RAB4B: variants seen among roughly 807,000 people sequenced by gnomAD.
RAB4B encodes the protein ras-related protein Rab-4B.
A neutral mutation model predicts 28.3 loss-of-function variants in RAB4B; 15 were observed. The ratio of observed to expected loss-of-function variants is 0.53; its 90% CI spans 0.35 to 0.82. The LOEUF (loss-of-function observed/expected upper bound fraction) is 0.82, where lower values mean the gene tolerates loss of function less well. Ranked by LOEUF, RAB4B falls within the 40% of genes least tolerant of loss-of-function variation. The probability of loss-of-function intolerance (pLI) is 0.01; values close to 1 mark genes in which losing one functional copy is unlikely to be tolerated. For synonymous variants in RAB4B, 108 were observed against 116.3 expected, an observed-to-expected ratio of 0.93 and a Z score of 0.46; for missense variants, 244 against 288.5, an observed-to-expected ratio of 0.85 and a Z score of 1.12.
At chr19:40,782,551 G>A (rs186214673) in intron 3 of RAB4B, among the ~76,000 whole-genome samples, 97 of 152,292 alleles carry the variant, frequency 6.4e-4, no homozygotes, top group Non-Finnish European at 9.9e-4. Flanking sequence ...GGTGGCTCAC[G>A]CCTGTAATCC....
chr19:40,790,347 C>T (rs1476610080), intron 7 of RAB4B, among the ~76,000 whole-genome samples: 1 of 151,226 alleles, frequency 6.6e-6, no homozygotes, highest in Admixed American at 6.6e-5. Flanking sequence ...CCAGTCTTGG[C>T]CTCTCTCTTT....
In RAB4B at chr19:40,786,975, C is replaced by T. The variant is rs772963267; in HGVS notation, c.*12C>T. On this transcript the variant is annotated 3_prime_UTR_variant, in exon 7 of 8. Transcript: ENST00000357052. Reference sequence around the variant, plus strand: ...CGTGTGGCTGCTGAGCTCTGTGGAGCCAGGTGGGACACTGGGGGCTTTAGG... The same window carrying T: ...CGTGTGGCTGCTGAGCTCTGTGGAGTCAGGTGGGACACTGGGGGCTTTAGG... 19 of 1,612,294 alleles carry T rather than the reference C, an allele frequency of 1.2e-5. No homozygotes were observed. The South Asian group carries it at 1.9e-4, about 16-fold the overall frequency.
chr19:40,781,835 C>T lies in RAB4B; in HGVS notation c.212+1336C>T, dbSNP rs185304957. On this transcript the variant is annotated intron_variant, in intron 3 of 7. Transcript: ENST00000357052. ...AGGAGATCGAGACCATCCTGGCTAA[C>T]ATGGTGAAACCCCGTCTCTACTAAA... Among the ~76,000 whole-genome samples the T allele has an allele frequency of 5.5e-3, 831 of 152,076 alleles. 7 individuals are homozygous for T. The highest frequency in any genetic ancestry group is 0.02 in the African/African-American group (811 of 41,492).
At chr19:40,786,565 G>C in intron 5 of RAB4B, 100 bp from the exon 6 acceptor site, 1 of 1,545,652 alleles carries the variant, frequency 6.5e-7, no homozygotes, top group East Asian at 2.4e-5. Flanking sequence ...GGTAAGGGGG[G>C]ATGGAACATT....
chr19:40,787,467 G>A (rs1004214514), intron 7 of RAB4B, among the ~76,000 whole-genome samples: 2 of 151,784 alleles, frequency 1.3e-5, no homozygotes, highest in African/African-American at 4.8e-5. Context: ...CCTGGGAGGT[G>A]GAGGTTGCAG....
chr19:40,789,544 G>A (rs1403247637), intron 7 of RAB4B, among the ~76,000 whole-genome samples: 3 of 116,902 alleles, frequency 2.6e-5, no homozygotes, highest in Middle Eastern at 7.2e-3. Context: ...TCACTCTGTC[G>A]CCATGCTAGA....
intron 7 of RAB4B, among the ~76,000 whole-genome samples, chr19:40,793,047 G>C (rs995565377): frequency 2.0e-5 from 3 of 151,606 alleles, no homozygotes; most frequent in Non-Finnish European, 4.4e-5. Context: ...AAAGTGCTGG[G>C]ATTACAGGTG....
At chr19:40,795,361 C>T (rs2083199937) in intron 7 of RAB4B, among the ~76,000 whole-genome samples, 1 of 147,592 alleles carries the variant, frequency 6.8e-6, no homozygotes, top group Non-Finnish European at 1.5e-5. Context: ...GATACAAAGG[C>T]AGGTTCATTT....
chr19:40,781,324 A>G (rs566207935), intron 3 of RAB4B, among the ~76,000 whole-genome samples: 1 of 150,468 alleles, frequency 6.6e-6, no homozygotes, highest in Non-Finnish European at 1.5e-5. Context: ...ATAAATAAAT[A>G]AATAAATAAA....
intron 7 of RAB4B, among the ~76,000 whole-genome samples, chr19:40,794,151 T>C (rs2083186530): frequency 6.6e-6 from 1 of 151,920 alleles, no homozygotes; most frequent in Non-Finnish European, 1.5e-5. Context: ...CTCGGCTCAC[T>C]GAAATCTCCG....
chr19:40,793,572 G>GTTTT (rs373163247), intron 7 of RAB4B, among the ~76,000 whole-genome samples: 34 of 125,410 alleles, frequency 2.7e-4, no homozygotes, highest in Admixed American at 3.9e-4. Context: ...TTTCTTTTTT[G>GTTTT]TTTTTTTTTT....
intron 3 of RAB4B, 62 bp downstream of exon 3, chr19:40,780,561 T>TA (rs1204645018): frequency 5.7e-6 from 8 of 1,408,468 alleles, no homozygotes; most frequent in Non-Finnish European, 7.9e-6. Flanking sequence ...GAGAGAGATG[T>TA]GTGTGTAGAG....
intron 1 of RAB4B, chr19:40,779,131 G>A (rs1260577261): frequency 1.4e-5 from 8 of 581,994 alleles, no homozygotes; most frequent in Non-Finnish European, 1.5e-5. Flanking sequence ...GTCAGAGGGT[G>A]GTAGGAGGTG....
intron 7 of RAB4B, among the ~76,000 whole-genome samples, chr19:40,795,234 T>C (rs2083198971): frequency 6.7e-6 from 1 of 148,522 alleles, no homozygotes; most frequent in Non-Finnish European, 1.5e-5. Context: ...AGCTCCCAGG[T>C]AATGCTATAT....
chr19:40,783,687 G>T (rs908283055), intron 3 of RAB4B, 91 bp from the exon 4 acceptor site: 9 of 1,280,558 alleles, frequency 7.0e-6, no homozygotes, highest in Non-Finnish European at 9.4e-6. Flanking sequence ...GAAGGGGGGG[G>T]CCTCCGAACC....
At chr19:40,791,235 C>CTTGGG (rs2083156662) in intron 7 of RAB4B, among the ~76,000 whole-genome samples, 2 of 152,200 alleles carry the variant, frequency 1.3e-5, no homozygotes, top group Non-Finnish European at 2.9e-5. Context: ...GGTGATTCAC[C>CTTGGG]CGCCTTGGCC....
At chr19:40,781,164 TGGATGCTAGCTACTTGG>T (rs1164309250) in intron 3 of RAB4B, among the ~76,000 whole-genome samples, 1 of 136,794 alleles carries the variant, frequency 7.3e-6, no homozygotes, top group East Asian at 2.1e-4. Context: ...GCTGTGGTGG[TGGATGCTAGCTACTTGG>T]GAGGCTGAGG....
intron 7 of RAB4B, among the ~76,000 whole-genome samples, chr19:40,794,370 C>T (rs1439570108): frequency 8.6e-5 from 13 of 151,942 alleles, no homozygotes; most frequent in East Asian, 3.9e-4. Context: ...CCACTGCGCC[C>T]GGCCTATTTA....
intron 3 of RAB4B, among the ~76,000 whole-genome samples, chr19:40,782,791 C>T (rs1051928443): frequency 8.1e-5 from 12 of 147,948 alleles, no homozygotes; most frequent in African/African-American, 2.7e-4. Context: ...TCAGCCTGGG[C>T]GACAGAGCAA....
Sources: allele counts gnomAD v4.1 joint callset (sites outside exome capture counted in the v4.1 genomes callset), GRCh38; gene constraint gnomAD v4.1.1; transcripts MANE v1.5; gene names NCBI Gene and HGNC (gene_info 2026-07-23, HGNC 2026-07-21).